The following TAF5L variants were observed in gnomAD, a reference collection of about 807,000 sequenced individuals.
TAF5L encodes TAF5-like RNA polymerase II p300/CBP-associated factor-associated factor 65 kDa subunit 5L.
In TAF5L, 7 loss-of-function variants were observed where a neutral mutation model predicts 51.3. The ratio of observed to expected loss-of-function variants is 0.14; its 90% CI spans 0.08 to 0.26. The LOEUF is 0.26. Among genes scored for constraint, TAF5L ranks in the 10% least tolerant of loss-of-function variants. The pLI, the probability that TAF5L is intolerant of heterozygous loss-of-function variation, is 1.00. For missense variants in TAF5L, 575 were observed against 758.9 expected (o/e 0.76, Z 2.85); for synonymous variants, 291 against 308.1 (o/e 0.94, Z 0.58).
At chr1:229,600,164 C>T (rs892226796) in intron 4 of TAF5L, 19 of 985,210 alleles carry the variant, frequency 1.9e-5, no homozygotes, top group Non-Finnish European at 2.3e-5. Context: ...CACCAACTAT[C>T]GTAACTAATT....
chr1:229,602,901 C>T lies in TAF5L; in HGVS notation c.266G>A (p.Ser89Asn), dbSNP rs756070275. 6.3e-7 allele frequency: 1 copy of T among 1,597,290 alleles called. No individual in the cohort carries two copies. Among genetic ancestry groups the T allele is most frequent in the East Asian group, 2.2e-5 (1 of 44,854 alleles). ...ATAGAGGAGAGGCATCACTTCGTGG[C>T]TATGCTGGGAATCAGAATCTATAAT... The change falls in exon 4 of 5, where the codon AGC becomes AAC. Residue 89 changes from serine (S) to asparagine (N), a missense_variant. By Grantham distance (46) the Ser-to-Asn change is conservative. Around this residue, in one of 3 missense-constraint regions of TAF5L, gnomAD observed 380 missense variants for 443.7 expected, o/e 0.86. Coordinates refer to ENST00000258281, the Ensembl canonical transcript of TAF5L. This position sits in a 1 kb window ranked among gnomAD's most constrained non-coding sequence, Gnocchi z 4.6.
At position 229,594,564 on chromosome 1, in the gene TAF5L, G is replaced by A. The variant is rs1664046144; in HGVS notation, c.1503C>T (p.Thr501=). Residue 501 remains threonine, a synonymous_variant, in exon 5 of 5, where the codon ACC becomes ACT. Coordinates refer to ENST00000258281, the Ensembl canonical transcript of TAF5L. This position sits in a 1 kb window ranked among gnomAD's most constrained non-coding sequence, Gnocchi z 7.9. ...TGTGGCCTCTCAACTCTTTATAAAG[G>A]GTCCCAGAGGCCAAGTCCCACAGCT... is the stretch of plus-strand genomic sequence containing the variant. The A allele has an allele frequency of 1.2e-6, 2 of 1,613,996 alleles. No homozygotes were observed. The highest frequency in any genetic ancestry group is 1.7e-6 in the Non-Finnish European group (2 of 1,180,020).
rs540836147 is a variant in TAF5L at position 229,599,425 on chromosome 1, C to T, written c.972+2770G>A. On this transcript the variant is annotated intron_variant, in intron 4 of 4. Transcript: ENST00000258281. ...CATTACCTCACAAAGAAATGCCACACCCATTAGCGGTCACTCTCATTCTCC... is the reference window on the plus strand; with the variant it reads ...CATTACCTCACAAAGAAATGCCACATCCATTAGCGGTCACTCTCATTCTCC... 8.4e-4 allele frequency: 141 copies of T among 168,708 alleles called. 1 individual carries two copies. Among genetic ancestry groups the T allele is most frequent in the Middle Eastern group, 2.9e-3 (1 of 340 alleles). The allele number at this position is 168,708 out of a possible 1,614,324, so 10.5% of individuals were successfully genotyped here.
intron 3 of TAF5L, among the ~76,000 whole-genome samples, chr1:229,604,275 C>T (rs139834064): frequency 2.2e-4 from 33 of 151,288 alleles, no homozygotes; most frequent in Non-Finnish European, 3.4e-4. Context: ...AAGATATCTG[C>T]ATGTTATTTC....
intron 3 of TAF5L, among the ~76,000 whole-genome samples, chr1:229,608,839 A>C (rs1558150054): frequency 6.6e-6 from 1 of 152,074 alleles, no homozygotes; most frequent in Admixed American, 6.5e-5. Flanking sequence ...TGTCTCTACA[A>C]AAAAATTTAA....
chr1:229,625,983 G>T lies in TAF5L; in HGVS notation c.-102C>A. 1 of 145,936 alleles carries T rather than the reference G, an allele frequency of 6.9e-6. No homozygotes were observed. The highest frequency in any genetic ancestry group is 1.8e-4 in the South Asian group (1 of 5,436). 9.0% of individuals were successfully genotyped at this position (145,936 alleles called of 1,614,324 possible). A position where few individuals can be genotyped will look rare whatever the true frequency, so the allele number is the denominator to read the frequency against. On this transcript the variant is annotated 5_prime_UTR_variant, in exon 1 of 5. Coordinates refer to ENST00000258281, the Ensembl canonical transcript of TAF5L. This position sits in a 1 kb window ranked among gnomAD's most constrained non-coding sequence, Gnocchi z 4.0. ...CTCTGCCGCAGGGTCTCACTCCGAC[G>T]GCCGGCTCAGCTGGGCCCCCGCGCC...
chr1:229,597,812 A>G (rs1172124866), intron 4 of TAF5L, among the ~76,000 whole-genome samples: 1 of 152,192 alleles, frequency 6.6e-6, no homozygotes, highest in African/African-American at 2.4e-5. Flanking sequence ...CATCTCATGC[A>G]CCCTTGTGCT....
chr1:229,617,892 A>T (rs1232779379), intron 1 of TAF5L, among the ~76,000 whole-genome samples: 2 of 152,160 alleles, frequency 1.3e-5, no homozygotes, highest in Non-Finnish European at 2.9e-5. Flanking sequence ...CGCTTCCCTG[A>T]GGGTGGGTGG....
intron 2 of TAF5L, 52 bp downstream of exon 2, chr1:229,614,289 C>A: frequency 6.2e-7 from 1 of 1,613,900 alleles, no homozygotes. Flanking sequence ...TGGATATTGA[C>A]GTGAGTTCTC....
chr1:229,625,574 C>T lies in TAF5L; in HGVS notation c.-4+311G>A, dbSNP rs954254478. Among the ~76,000 whole-genome samples, 12 of 151,888 alleles carry T rather than the reference C, an allele frequency of 7.9e-5. No homozygotes were observed. Among genetic ancestry groups the T allele is most frequent in the Admixed American group, 7.9e-4 (12 of 15,272 alleles). On this transcript the variant is annotated intron_variant, in intron 1 of 4. Coordinates refer to ENST00000258281, the Ensembl canonical transcript of TAF5L. This position sits in a 1 kb window ranked among gnomAD's most constrained non-coding sequence, Gnocchi z 4.0. The stretch of plus-strand genomic sequence containing the variant: ...GCGCCCGCCACCTCCTCCCCGAGCC[C>T]GGCATCCAACCCGCAGGACCCACCC...
rs974855514 is a variant in TAF5L at position 229,625,332 on chromosome 1, C to T, written c.-4+553G>A. ...TGAGGCAACGAGCCCCGAGAGACACCCTTGCAGGTAAGCACTCTCCTGCAG... is the reference window on the plus strand; with the variant it reads ...TGAGGCAACGAGCCCCGAGAGACACTCTTGCAGGTAAGCACTCTCCTGCAG... On this transcript the variant is annotated intron_variant, in intron 1 of 4. Coordinates refer to ENST00000258281, the Ensembl canonical transcript of TAF5L. The surrounding 1 kb of genome is among the most constrained non-coding windows in gnomAD (Gnocchi z 4.0). Among the ~76,000 whole-genome samples, 2 of 152,164 alleles carry T rather than the reference C, an allele frequency of 1.3e-5. No individual in the cohort carries two copies. Among genetic ancestry groups the T allele is most frequent in the African/African-American group, 4.8e-5 (2 of 41,454 alleles).
At chr1:229,610,045 A>C in intron 3 of TAF5L, 61 bp downstream of exon 3, 1 of 1,463,138 alleles carries the variant, frequency 6.8e-7, no homozygotes, top group Admixed American at 1.8e-5. Context: ...CAGTGTGCCC[A>C]AAGTTGGTCT....
chr1:229,597,594 G>A (rs1353550631), intron 4 of TAF5L, among the ~76,000 whole-genome samples: 7 of 152,170 alleles, frequency 4.6e-5, no homozygotes, highest in Non-Finnish European at 5.9e-5. Flanking sequence ...CCAACGCCAT[G>A]GGTTTTCACT....
intron 4 of TAF5L, among the ~76,000 whole-genome samples, chr1:229,595,412 G>A (rs905990306): frequency 6.6e-6 from 1 of 152,188 alleles, no homozygotes; most frequent in African/African-American, 2.4e-5. Context: ...TTTGATTGAG[G>A]ATAGCTTGTA....
At chr1:229,597,775 A>G (rs1054701508) in intron 4 of TAF5L, among the ~76,000 whole-genome samples, 17 of 152,236 alleles carry the variant, frequency 1.1e-4, no homozygotes, top group Admixed American at 2.0e-4. Context: ...ATTTAACAAG[A>G]AAAATAAACA....
chr1:229,606,971 C>T, intron 3 of TAF5L: 2 of 985,414 alleles, frequency 2.0e-6, no homozygotes, highest in Non-Finnish European at 1.2e-6. Context: ...CTTCTTAAGA[C>T]TTTAATTTGC....
At chr1:229,610,297 G>T in intron 2 of TAF5L, 87 bp from the exon 3 acceptor site, 1 of 1,246,044 alleles carries the variant, frequency 8.0e-7, no homozygotes, top group Non-Finnish European at 1.2e-6. Context: ...GAAGGAGGGT[G>T]TTGTGCACAC....
chr1:229,617,755 T>C (rs1022560345), intron 1 of TAF5L, among the ~76,000 whole-genome samples: 2 of 152,200 alleles, frequency 1.3e-5, no homozygotes, highest in Non-Finnish European at 2.9e-5. Flanking sequence ...GAATGAATGA[T>C]AGTCAACACT....
At chr1:229,614,602 T>C (rs1664906083) in intron 1 of TAF5L, 117 bp from the exon 2 acceptor site, 2 of 1,325,330 alleles carry the variant, frequency 1.5e-6, no homozygotes, top group Admixed American at 4.3e-5. Context: ...GCCATGTGGC[T>C]AAGTGGCCTA....
Sources: allele counts gnomAD v4.1 joint callset (sites outside exome capture counted in the v4.1 genomes callset), GRCh38; gene constraint gnomAD v4.1.1; regional missense constraint gnomAD v4.1.1; non-coding constraint Gnocchi (gnomAD v3.1); transcripts MANE v1.5; gene names NCBI Gene and HGNC (gene_info 2026-07-23, HGNC 2026-07-21).